Variants in RNF150 observed in about 807,000 individuals in gnomAD.
RNF150 encodes the protein ring finger protein 150.
RNF150 carries 24 observed loss-of-function variants against 39.3 expected under a neutral mutation model. The ratio of observed to expected loss-of-function variants is 0.61; its 90% CI spans 0.44 to 0.86. The LOEUF (loss-of-function observed/expected upper bound fraction) is 0.86. RNF150 is among the 40% of genes least tolerant of loss of function. RNF150 has a pLI of 0.00. For synonymous variants in RNF150, 255 were observed against 227.3 expected, an observed-to-expected ratio of 1.12 and a Z score of -1.10; for missense variants, 502 against 587.8, an observed-to-expected ratio of 0.85 and a Z score of 1.51.
In RNF150 at chr4:141,185,583, A is replaced by G. The variant is rs902459130; in HGVS notation, c.-6+27211T>C. ...AATACTATGTTTAATAGGAGTGGTG[A>G]GAGAGGGCATCCTTGTCTTGTGCCA... On this transcript the variant is annotated intron_variant, in intron 1 of 7. Transcript: ENST00000420921. Among the ~76,000 whole-genome samples, 8 of 152,150 alleles carry G rather than the reference A, an allele frequency of 5.3e-5. No homozygotes were observed. The East Asian group carries it at 1.5e-3, about 29-fold the overall frequency.
intron 1 of RNF150, among the ~76,000 whole-genome samples, chr4:141,175,410 GAC>G (rs1264697416): frequency 6.6e-6 from 1 of 152,172 alleles, no homozygotes; most frequent in African/African-American, 2.4e-5. Flanking sequence ...ACATTTAAAA[GAC>G]AATTTTAATG....
intron 1 of RNF150, among the ~76,000 whole-genome samples, chr4:141,107,274 T>G (rs1739242920): frequency 6.6e-6 from 1 of 152,236 alleles, no homozygotes; most frequent in Non-Finnish European, 1.5e-5. Context: ...TAGCAAATGC[T>G]TTTATAGCAT....
chr4:140,951,612 T>C (rs1247824349), intron 2 of RNF150, among the ~76,000 whole-genome samples: 1 of 151,838 alleles, frequency 6.6e-6, no homozygotes, highest in Non-Finnish European at 1.5e-5. Flanking sequence ...CGGGAATATT[T>C]AGGGACAAAC....
chr4:140,944,267 C>A (rs138547043), intron 4 of RNF150, among the ~76,000 whole-genome samples: 6 of 152,064 alleles, frequency 3.9e-5, no homozygotes, highest in Admixed American at 2.0e-4. Context: ...TTTTGGCATA[C>A]GTATGAGGTA....
At chr4:141,107,255 TTG>T (rs1739242088) in intron 1 of RNF150, among the ~76,000 whole-genome samples, 2 of 152,242 alleles carry the variant, frequency 1.3e-5, no homozygotes, top group South Asian at 4.1e-4. Flanking sequence ...ACCTATTGCT[TTG>T]CTTTATTAGC....
At chr4:141,057,376 A>G (rs1441200879) in intron 1 of RNF150, among the ~76,000 whole-genome samples, 2 of 152,112 alleles carry the variant, frequency 1.3e-5, no homozygotes. Context: ...TTAGAAAGCT[A>G]TCAGCAAAAA....
chr4:141,206,700 G>A (rs1414397805), intron 1 of RNF150, among the ~76,000 whole-genome samples: 2 of 151,930 alleles, frequency 1.3e-5, no homozygotes, highest in African/African-American at 4.8e-5. Flanking sequence ...TTCTCTAGAG[G>A]GACAGAACCA....
chr4:141,179,565 C>A (rs1410450923), intron 1 of RNF150, among the ~76,000 whole-genome samples: 2 of 152,258 alleles, frequency 1.3e-5, no homozygotes, highest in Non-Finnish European at 2.9e-5. Context: ...GGCACTTTCA[C>A]CTTCTGTCAC....
intron 1 of RNF150, among the ~76,000 whole-genome samples, chr4:141,045,733 G>A (rs1320454941): frequency 3.3e-5 from 5 of 151,758 alleles, no homozygotes; most frequent in African/African-American, 1.2e-4. Context: ...TAGTAGAGAC[G>A]GGGTTTCACC....
At chr4:141,008,626 T>C (rs1734956145) in intron 1 of RNF150, among the ~76,000 whole-genome samples, 1 of 152,218 alleles carries the variant, frequency 6.6e-6, no homozygotes, top group East Asian at 1.9e-4. Context: ...CACATGAATA[T>C]ATAACAGACT....
At chr4:140,932,107 T>G (rs1731668800) in intron 4 of RNF150, among the ~76,000 whole-genome samples, 4 of 152,166 alleles carry the variant, frequency 2.6e-5, no homozygotes, top group Non-Finnish European at 5.9e-5. Flanking sequence ...TTCTCCTTAG[T>G]GAAGTGGTTA....
chr4:141,183,779 T>C (rs1183998987), intron 1 of RNF150, among the ~76,000 whole-genome samples: 1 of 152,150 alleles, frequency 6.6e-6, no homozygotes, highest in East Asian at 1.9e-4. Context: ...GTTCCTGTGT[T>C]AGTTTGCTGA....
intron 1 of RNF150, among the ~76,000 whole-genome samples, chr4:140,980,352 C>A (rs1225332789): frequency 6.6e-6 from 1 of 151,988 alleles, no homozygotes; most frequent in African/African-American, 2.4e-5. Flanking sequence ...CCCCTTTAGG[C>A]TATTTTTAAC....
intron 6 of RNF150, among the ~76,000 whole-genome samples, chr4:140,900,501 T>C (rs1277361404): frequency 1.3e-5 from 2 of 152,074 alleles, no homozygotes; most frequent in Non-Finnish European, 2.9e-5. Context: ...AGTGAAAAAA[T>C]AAATAACTAC....
chr4:141,068,341 T>C (rs967236870), intron 1 of RNF150, among the ~76,000 whole-genome samples: 1 of 152,180 alleles, frequency 6.6e-6, no homozygotes, highest in African/African-American at 2.4e-5. Flanking sequence ...AAAAAGTAGT[T>C]CCCAGGTTAT....
At chr4:141,192,163 C>G (rs1050594000) in intron 1 of RNF150, among the ~76,000 whole-genome samples, 2 of 152,130 alleles carry the variant, frequency 1.3e-5, no homozygotes, top group Non-Finnish European at 2.9e-5. Context: ...AGCCTATTGC[C>G]TTACTGCAAA....
chr4:141,041,093 A>T (rs1407930398), intron 1 of RNF150, among the ~76,000 whole-genome samples: 1 of 152,126 alleles, frequency 6.6e-6, no homozygotes, highest in African/African-American at 2.4e-5. Context: ...TTCATTTAAA[A>T]AAAAATTAAG....
intron 1 of RNF150, among the ~76,000 whole-genome samples, chr4:141,103,311 A>G (rs1175805320): frequency 6.6e-6 from 1 of 151,980 alleles, no homozygotes; most frequent in Non-Finnish European, 1.5e-5. Context: ...AGTTGTGAAG[A>G]CTCTCCTCCT....
At chr4:141,163,887 A>G (rs1727554545) in intron 1 of RNF150, among the ~76,000 whole-genome samples, 1 of 152,134 alleles carries the variant, frequency 6.6e-6, no homozygotes, top group South Asian at 2.1e-4. Context: ...CAAAAACCAG[A>G]ATGCTTCTCC....
Sources: gnomAD v4.1 joint callset for allele counts (sites outside exome capture counted in the v4.1 genomes callset) on GRCh38, gnomAD v4.1.1 for gene constraint, MANE v1.5 for transcripts, NCBI Gene and HGNC (gene_info 2026-07-23, HGNC 2026-07-21) for gene names.